The following BRD4 variants were observed in gnomAD, a reference collection of about 807,000 sequenced individuals.
BRD4 encodes the protein bromodomain-containing protein 4.
Under a neutral mutation model 142.1 loss-of-function variants are expected in BRD4, and 16 were observed. That is an observed-to-expected ratio of 0.11 (90% CI 0.08 to 0.17). BRD4 has a LOEUF of 0.17. Among genes scored for constraint, BRD4 ranks in the 10% least tolerant of loss-of-function variants. The pLI is 1.00. For missense variants in BRD4, 1,424 were observed against 1,810.9 expected, an observed-to-expected ratio of 0.79 and a Z score of 3.88; for synonymous variants, 833 against 707.5, an observed-to-expected ratio of 1.18 and a Z score of -2.82.
Position 15,243,499 on chromosome 19 carries a change from C to T in BRD4, c.2582-12G>A. On this transcript the variant is annotated splice_polypyrimidine_tract_variant and intron_variant, in intron 13 of 19. Coordinates refer to ENST00000679869, the MANE Select transcript of BRD4 (RefSeq NM_001379291.1). ...TGCGTTGTGCAAAGCTGGAAGAACA[C>T]AACACCGAGGCGGTGAGGCCTGAGC... 5 of 1,545,670 alleles carry T rather than the reference C, an allele frequency of 3.2e-6. No individual in the cohort carries two copies. Among genetic ancestry groups the T allele is most frequent in the Non-Finnish European group, 4.3e-6 (5 of 1,149,656 alleles).
Position 15,239,782 on chromosome 19 carries a change from C to T in BRD4, c.3322G>A (p.Val1108Met), listed in dbSNP as rs1157242729. 6.2e-7 allele frequency: 1 copy of T among 1,612,856 alleles called. No homozygotes were observed. The highest frequency in any genetic ancestry group is 1.7e-5 in the Admixed American group (1 of 60,006). Residue 1108 changes from valine to methionine, a missense_variant, in exon 16 of 20, where the codon GTG becomes ATG. Coordinates refer to ENST00000679869, the MANE Select transcript of BRD4 (RefSeq NM_001379291.1). This position sits in a 1 kb window ranked among gnomAD's most constrained non-coding sequence, Gnocchi z 7.4. ...AASVVQPQPL[V>M]VVKEEKIHSP... ...TGGATCTTCTCCTCCTTCACCACCA[C>T]GAGGGGCTGGGGCTGGACCACGGAG...
intron 1 of BRD4, among the ~76,000 whole-genome samples, chr19:15,285,615 A>C (rs1463819289): frequency 6.6e-6 from 1 of 152,242 alleles, no homozygotes; most frequent in Admixed American, 6.5e-5. Context: ...CATCACACAT[A>C]AATAAAGCCT....
chr19:15,268,795 C>G (rs2047558614), intron 3 of BRD4, 110 bp downstream of exon 3: 2 of 1,293,642 alleles, frequency 1.5e-6, no homozygotes, highest in Admixed American at 4.3e-5. Flanking sequence ...TGCCAGACTC[C>G]AAGCCCAGCC....
In BRD4 at chr19:15,332,501, A is replaced by AGCCCAGCCGCC. The variant is rs1555749910; in HGVS notation, c.-247_-246insGGCGGCTGGGC. The AGCCCAGCCGCC allele has an allele frequency of 1.3e-5, 2 of 155,816 alleles. No individual in the cohort carries two copies. Among genetic ancestry groups the AGCCCAGCCGCC allele is most frequent in the South Asian group, 1.7e-4 (1 of 5,738 alleles). 9.7% of individuals were successfully genotyped at this position (155,816 alleles called of 1,614,324 possible). ...TGCGGGAGACCAGAACAAACAGCCC[A>AGCCCAGCCGCC]GCCGCCGCCGCCGCCGCCGCCGCCG... On this transcript the variant is annotated 5_prime_UTR_variant, in exon 1 of 20. Coordinates refer to ENST00000679869, the MANE Select transcript of BRD4 (RefSeq NM_001379291.1).
chr19:15,279,958 C>T (rs748627501), intron 1 of BRD4, among the ~76,000 whole-genome samples: 12 of 152,182 alleles, frequency 7.9e-5, no homozygotes, highest in Non-Finnish European at 1.5e-4. Flanking sequence ...GTCGCCAAGA[C>T]GATGGCTGGT....
At chr19:15,267,652 AGCG>A in intron 3 of BRD4, 101 bp from the exon 4 acceptor site, 1 of 1,391,506 alleles carries the variant, frequency 7.2e-7, no homozygotes, top group Admixed American at 2.1e-5. Flanking sequence ...CAAAACATGA[AGCG>A]TCGTATTCCG....
intron 1 of BRD4, among the ~76,000 whole-genome samples, chr19:15,325,567 G>A (rs2048099988): frequency 6.6e-6 from 1 of 152,056 alleles, no homozygotes; most frequent in Admixed American, 6.6e-5. Flanking sequence ...ATTTGTGGGG[G>A]AAAAAATGTT....
chr19:15,266,690 C>T (rs1277778575), intron 4 of BRD4, among the ~76,000 whole-genome samples: 1 of 152,226 alleles, frequency 6.6e-6, no homozygotes, highest in African/African-American at 2.4e-5. Flanking sequence ...AACCCCCTTT[C>T]TGCCACCACT....
intron 14 of BRD4, among the ~76,000 whole-genome samples, chr19:15,241,899 G>A (rs764939282): frequency 7.2e-6 from 1 of 139,492 alleles, no homozygotes. Context: ...TGCAACCTCC[G>A]CCTCCCAGAC....
chr19:15,250,438 C>T (rs1431038866), intron 11 of BRD4, among the ~76,000 whole-genome samples: 1 of 152,230 alleles, frequency 6.6e-6, no homozygotes, highest in Non-Finnish European at 1.5e-5. Flanking sequence ...GGTAAGAACG[C>T]CCCATGGCCT....
intron 1 of BRD4, among the ~76,000 whole-genome samples, chr19:15,283,637 T>A (rs1361031305): frequency 6.6e-6 from 1 of 152,148 alleles, no homozygotes; most frequent in African/African-American, 2.4e-5. Context: ...CTGTTATGTG[T>A]AAGTGGAAAC....
chr19:15,260,075 G>A (rs1361607809), intron 7 of BRD4, among the ~76,000 whole-genome samples: 3 of 152,098 alleles, frequency 2.0e-5, no homozygotes, highest in Non-Finnish European at 2.9e-5. Flanking sequence ...CCCCCTGCCC[G>A]GCATCCCACA....
chr19:15,289,962 G>A (rs1196951167), intron 1 of BRD4, among the ~76,000 whole-genome samples: 2 of 152,234 alleles, frequency 1.3e-5, no homozygotes, highest in East Asian at 1.9e-4. Flanking sequence ...GCAGCCTGAA[G>A]GGCAAGGAGT....
At chr19:15,297,237 A>G (rs541117432) in intron 1 of BRD4, among the ~76,000 whole-genome samples, 2 of 152,342 alleles carry the variant, frequency 1.3e-5, no homozygotes, top group East Asian at 3.9e-4. Flanking sequence ...ATAGCATGGC[A>G]GCCAGGCCTG....
intron 13 of BRD4, 140 bp from the exon 14 acceptor site, chr19:15,243,627 C>T (rs991702740): frequency 2.9e-5 from 39 of 1,367,182 alleles, no homozygotes; most frequent in East Asian, 1.7e-4. Context: ...CCCCACCTAC[C>T]GTGGCCTCCC....
intron 6 of BRD4, 84 bp from the exon 7 acceptor site, chr19:15,263,632 T>C: frequency 6.4e-7 from 1 of 1,554,488 alleles, no homozygotes; most frequent in Admixed American, 1.7e-5. Flanking sequence ...AAGGGATGCC[T>C]AGAAGAGCAA....
At position 15,265,652 on chromosome 19, in the gene BRD4, C is replaced by T; in HGVS notation, c.560-9G>A. On this transcript the variant is annotated splice_polypyrimidine_tract_variant and intron_variant, in intron 4 of 19. Transcript: ENST00000679869. ...GCCAGGTTTTGCTGTCCCTACAAAT[C>T]ATAATAAGACGGCGAGTTAGAGACC... is the stretch of plus-strand genomic sequence containing the variant. The T allele has an allele frequency of 6.2e-7, 1 of 1,614,076 alleles. No individual in the cohort carries two copies. Among genetic ancestry groups the T allele is most frequent in the Non-Finnish European group, 8.5e-7 (1 of 1,180,000 alleles).
At position 15,247,567 on chromosome 19, in the gene BRD4, CGTGCGTGCGT is replaced by C. The variant is rs535402352; in HGVS notation, c.2159-2815_2159-2806del. On this transcript the variant is annotated intron_variant, in intron 11 of 19. Coordinates refer to ENST00000679869, the MANE Select transcript of BRD4 (RefSeq NM_001379291.1). ...TGGCCCATGTGCACACGTGTGTGCG[CGTGCGTGCGT>C]GTGTCGGGGGCAGCATGCAGGCCCG... 4.1e-4 allele frequency: 95 copies of C among 232,940 alleles called. 1 individual carries two copies. In the South Asian group the frequency reaches 0.016, roughly 38 times the overall value. The allele number at this position is 232,940 out of a possible 1,614,324, so 14.4% of individuals were successfully genotyped here.
At chr19:15,325,666 C>T (rs532200390) in intron 1 of BRD4, among the ~76,000 whole-genome samples, 8 of 152,006 alleles carry the variant, frequency 5.3e-5, no homozygotes, top group Non-Finnish European at 8.8e-5. Context: ...TAAGTTAAAT[C>T]AAGTTTTCAA....
Sources: allele counts gnomAD v4.1 joint callset (sites outside exome capture counted in the v4.1 genomes callset), GRCh38; gene constraint gnomAD v4.1.1; non-coding constraint Gnocchi (gnomAD v3.1); transcripts MANE v1.5; gene names NCBI Gene and HGNC (gene_info 2026-07-23, HGNC 2026-07-21).